CDH13: variants seen among roughly 807,000 people sequenced by gnomAD.
CDH13 encodes cadherin 13, also known as cadherin-13.
In CDH13, 24 loss-of-function variants were observed where a neutral mutation model predicts 63.8. The ratio of observed to expected loss-of-function variants is 0.38; its 90% CI spans 0.27 to 0.53. CDH13 has a LOEUF of 0.53. Among genes scored for constraint, CDH13 ranks in the 20% least tolerant of loss-of-function variants. The pLI, the probability that CDH13 is intolerant of heterozygous loss-of-function variation, is 0.85. For missense variants in CDH13, 1,049 were observed against 903.1 expected (o/e 1.16, Z -2.07); for synonymous variants, 503 against 355.3 (o/e 1.42, Z -4.67).
At chr16:82,837,544 A>C (rs1180695588) in intron 1 of CDH13, among the ~76,000 whole-genome samples, 1 of 152,218 alleles carries the variant, frequency 6.6e-6, no homozygotes, top group Non-Finnish European at 1.5e-5. Flanking sequence ...TGAAATCAGC[A>C]AAGGGCAAAG....
intron 4 of CDH13, among the ~76,000 whole-genome samples, chr16:83,148,835 CT>C (rs1456062789): frequency 6.6e-6 from 1 of 151,910 alleles, no homozygotes; most frequent in Admixed American, 6.6e-5. Flanking sequence ...AATATTTACT[CT>C]TTTTTAAAGA....
At chr16:82,815,107 A>T (rs977802715) in intron 1 of CDH13, among the ~76,000 whole-genome samples, 1 of 152,108 alleles carries the variant, frequency 6.6e-6, no homozygotes, top group African/African-American at 2.4e-5. Flanking sequence ...GGCTCAGCTG[A>T]AAACATCGTT....
At chr16:83,389,643 A>G (rs1350879055) in intron 6 of CDH13, among the ~76,000 whole-genome samples, 14 of 152,226 alleles carry the variant, frequency 9.2e-5, no homozygotes, top group Non-Finnish European at 5.9e-5. Context: ...TCACTTCCTT[A>G]TGGTGTCACA....
intron 6 of CDH13, among the ~76,000 whole-genome samples, chr16:83,415,819 A>G (rs1461506838): frequency 6.6e-6 from 1 of 152,148 alleles, no homozygotes; most frequent in Non-Finnish European, 1.5e-5. Flanking sequence ...ATAAAACTAA[A>G]AGCTTACCTT....
At chr16:83,788,554 C>G (rs1027683094) in intron 13 of CDH13, among the ~76,000 whole-genome samples, 1 of 151,904 alleles carries the variant, frequency 6.6e-6, no homozygotes, top group Non-Finnish European at 1.5e-5. Flanking sequence ...TTTGAGACTC[C>G]TGATCTACAG....
chr16:83,357,021 C>T (rs1370837001), intron 6 of CDH13, among the ~76,000 whole-genome samples: 1 of 152,102 alleles, frequency 6.6e-6, no homozygotes, highest in Non-Finnish European at 1.5e-5. Flanking sequence ...TCCTATGATA[C>T]TAGTTTATAA....
chr16:83,089,769 G>T (rs368971304), intron 3 of CDH13, among the ~76,000 whole-genome samples: 217 of 152,330 alleles, frequency 1.4e-3, no homozygotes, highest in Non-Finnish European at 2.5e-3. Context: ...CTAAGTAAAC[G>T]TAGAGTCCAC....
At chr16:83,069,281 C>T (rs1330341960) in intron 3 of CDH13, among the ~76,000 whole-genome samples, 1 of 152,112 alleles carries the variant, frequency 6.6e-6, no homozygotes, top group Non-Finnish European at 1.5e-5. Context: ...ATCCACAGGG[C>T]TCTTTAGTGG....
At chr16:83,445,546 G>C (rs1344549774) in intron 6 of CDH13, among the ~76,000 whole-genome samples, 2 of 152,118 alleles carry the variant, frequency 1.3e-5, no homozygotes, top group Non-Finnish European at 2.9e-5. Flanking sequence ...AGCTGCGTTA[G>C]TATTCCACAA....
intron 6 of CDH13, among the ~76,000 whole-genome samples, chr16:83,440,288 G>A (rs1477939321): frequency 6.6e-6 from 1 of 152,206 alleles, no homozygotes; most frequent in Admixed American, 6.5e-5. Context: ...TCCTTTACAT[G>A]TAGGAAAATC....
intron 6 of CDH13, among the ~76,000 whole-genome samples, chr16:83,419,016 C>T (rs1476651116): frequency 1.3e-5 from 2 of 152,104 alleles, no homozygotes; most frequent in East Asian, 3.9e-4. Flanking sequence ...CTTCATGACA[C>T]CTCATCTGTT....
At chr16:83,746,078 A>G (rs543203031) in intron 10 of CDH13, among the ~76,000 whole-genome samples, 1 of 152,338 alleles carries the variant, frequency 6.6e-6, no homozygotes, top group African/African-American at 2.4e-5. Flanking sequence ...TGGGGATATT[A>G]TACCTACTAT....
At chr16:82,973,313 C>T (rs1056094239) in intron 2 of CDH13, among the ~76,000 whole-genome samples, 1 of 152,200 alleles carries the variant, frequency 6.6e-6, no homozygotes, top group Non-Finnish European at 1.5e-5. Context: ...TGCTCACCTG[C>T]AAGAATCAGG....
intron 7 of CDH13, among the ~76,000 whole-genome samples, chr16:83,537,534 G>A (rs2075216768): frequency 6.6e-6 from 1 of 151,966 alleles, no homozygotes; most frequent in Non-Finnish European, 1.5e-5. Flanking sequence ...AAAGGAAAAG[G>A]AACCATTTGC....
At chr16:83,484,545 G>C (rs2073843960) in intron 6 of CDH13, among the ~76,000 whole-genome samples, 1 of 152,152 alleles carries the variant, frequency 6.6e-6, no homozygotes, top group Admixed American at 6.5e-5. Flanking sequence ...TTATAATTAT[G>C]CTCTTTGTAA....
intron 1 of CDH13, among the ~76,000 whole-genome samples, chr16:82,672,999 CTTTT>C (rs562942948): frequency 1.5e-4 from 12 of 81,268 alleles, no homozygotes; most frequent in South Asian, 1.0e-3. Context: ...ATAAAGTTTT[CTTTT>C]TTTTTTTTTT....
At chr16:82,636,482 G>T (rs1908671637) in intron 1 of CDH13, among the ~76,000 whole-genome samples, 1 of 152,198 alleles carries the variant, frequency 6.6e-6, no homozygotes, top group Non-Finnish European at 1.5e-5. Flanking sequence ...TCATGCACAA[G>T]ATATTTGAGA....
chr16:83,225,597 A>G (rs2039816190), intron 5 of CDH13, among the ~76,000 whole-genome samples: 1 of 152,208 alleles, frequency 6.6e-6, no homozygotes, highest in African/African-American at 2.4e-5. Context: ...CGGCAGAACC[A>G]GCTTTATCTG....
rs374468855 is a variant in CDH13 at position 83,617,790 on chromosome 16, T to G, written c.1101+15196T>G. Among the ~76,000 whole-genome samples the G allele has an allele frequency of 1.2e-4, 19 of 152,012 alleles. No homozygotes were observed. In the South Asian group the frequency reaches 3.9e-3, roughly 32 times the overall value. On this transcript the variant is annotated intron_variant, in intron 8 of 13. Coordinates refer to ENST00000567109, the MANE Select transcript of CDH13 (RefSeq NM_001257.5). ...TCTATTCTATTCTAATATGCACATA[T>G]CTTAATATGCATGTATTCTGTTCTA...
Sources: allele counts gnomAD v4.1 joint callset (sites outside exome capture counted in the v4.1 genomes callset), GRCh38; gene constraint gnomAD v4.1.1; transcripts MANE v1.5; gene names NCBI Gene and HGNC (gene_info 2026-07-23, HGNC 2026-07-21).